HS6ST2: variants seen among roughly 807,000 people sequenced by gnomAD.
HS6ST2 encodes the protein heparan-sulfate 6-O-sulfotransferase 2.
In HS6ST2, 17 loss-of-function variants were observed where a neutral mutation model predicts 33.0. That is an observed-to-expected ratio of 0.52 (90% CI 0.35 to 0.77). The LOEUF is 0.77. Ranked by LOEUF, HS6ST2 falls within the 30% of genes least tolerant of loss-of-function variation. The pLI is 0.01. For missense variants in HS6ST2, 519 were observed against 551.7 expected (o/e 0.94, Z 0.59); for synonymous variants, 248 against 237.1 (o/e 1.05, Z -0.42).
chrX:132,655,221 G>C (rs2063722224), intron 4 of HS6ST2, among the ~76,000 whole-genome samples: 1 of 111,927 alleles, frequency 8.9e-6, no homozygotes, highest in Non-Finnish European at 1.9e-5. Context: ...ATAAACAAAT[G>C]AATGGCACAT....
chrX:132,932,740 T>C (rs1045864246), intron 2 of HS6ST2, among the ~76,000 whole-genome samples: 1 of 108,850 alleles, frequency 9.2e-6, no homozygotes, highest in Non-Finnish European at 1.9e-5. Flanking sequence ...AAAACCATAC[T>C]TAAAGAAGTA....
chrX:132,709,861 A>G, intron 2 of HS6ST2, among the ~76,000 whole-genome samples: 1 of 107,940 alleles, frequency 9.3e-6, no homozygotes, highest in Admixed American at 9.8e-5. Context: ...TTTTAGAAGG[A>G]AAACATAAAG....
rs2063487086 is a variant in HS6ST2, at chrX:132,627,450, C to G, written c.*773G>C. 1 of 112,224 alleles carries G rather than the reference C, an allele frequency of 8.9e-6. No homozygotes were observed. The highest frequency in any genetic ancestry group is 1.9e-5 in the Non-Finnish European group (1 of 53,154). 9.2% of individuals were successfully genotyped at this position (112,224 alleles called of 1,213,427 possible). On this transcript the variant is annotated 3_prime_UTR_variant, in exon 5 of 5. Coordinates refer to ENST00000370833, the MANE Select transcript of HS6ST2 (RefSeq NM_001394073.1). ...AATGATTCCAGTATTGTTGAAATTA[C>G]AGTGCCCTGAAAGCGCCTGGAAATT...
intron 4 of HS6ST2, among the ~76,000 whole-genome samples, chrX:132,668,107 A>G: frequency 8.9e-6 from 1 of 112,457 alleles, no homozygotes; most frequent in Admixed American, 9.4e-5. Context: ...GGAATTGAAT[A>G]TAAGATCATA....
At chrX:132,769,000 A>G (rs1004311171) in intron 2 of HS6ST2, among the ~76,000 whole-genome samples, 2 of 112,554 alleles carry the variant, frequency 1.8e-5, no homozygotes, top group Non-Finnish European at 3.7e-5. Context: ...CTTCTCTGTA[A>G]TAACATTTCC....
At chrX:132,635,101 T>C (rs2063543686) in intron 4 of HS6ST2, among the ~76,000 whole-genome samples, 1 of 112,066 alleles carries the variant, frequency 8.9e-6, no homozygotes, top group South Asian at 3.7e-4. Context: ...ACCTGCTTTG[T>C]GTCTACAAGT....
rs773528895 is a variant in HS6ST2, at chrX:132,909,601, G to A, written c.947+47207C>T. Among the ~76,000 whole-genome samples the A allele has an allele frequency of 4.5e-5, 5 of 111,663 alleles. No homozygotes were observed. The South Asian group carries it at 1.5e-3, about 34-fold the overall frequency. ...GCTTTCCTGAGGCTGAGGAAGGTAC[G>A]GAGGAAGGGGTACACACTGTGAAGT... On this transcript the variant is annotated intron_variant, in intron 2 of 4. Coordinates refer to ENST00000370833, the MANE Select transcript of HS6ST2 (RefSeq NM_001394073.1).
chrX:132,873,593 C>A (rs1371476877), intron 2 of HS6ST2, among the ~76,000 whole-genome samples: 3 of 111,919 alleles, frequency 2.7e-5, no homozygotes, highest in Non-Finnish European at 5.6e-5. Flanking sequence ...TATGCACTCC[C>A]TGCTCTTAGG....
intron 4 of HS6ST2, among the ~76,000 whole-genome samples, chrX:132,655,564 T>C (rs182630600): frequency 2.7e-5 from 3 of 111,035 alleles, no homozygotes; most frequent in Non-Finnish European, 5.7e-5. Context: ...AAGAATGAGC[T>C]CTTTTCAATG....
intron 4 of HS6ST2, among the ~76,000 whole-genome samples, chrX:132,653,389 C>G (rs1158961955): frequency 1.8e-5 from 2 of 111,887 alleles, no homozygotes; most frequent in African/African-American, 6.5e-5. Flanking sequence ...TTACTTTTTC[C>G]CTCCTTTTAA....
At chrX:132,651,644 C>T (rs923251282) in intron 4 of HS6ST2, among the ~76,000 whole-genome samples, 7 of 111,858 alleles carry the variant, frequency 6.3e-5, no homozygotes, top group Non-Finnish European at 1.3e-4. Context: ...GCCTTTATTA[C>T]TCTGTGAGTC....
rs932972092 is a variant in HS6ST2, at chrX:132,628,102, CT to C, written c.*120del. 1.1e-5 allele frequency: 6 copies of C among 545,302 alleles called. No homozygotes were observed. The highest frequency in any genetic ancestry group is 1.5e-5 in the Non-Finnish European group (5 of 343,054). The allele number at this position is 545,302 out of a possible 1,213,427, so 44.9% of individuals were successfully genotyped here. A position where few individuals can be genotyped will look rare whatever the true frequency, so the allele number is the denominator to read the frequency against. ...GGCAACTGTAAAGGCAACATCTAAACTTTTTTTTAAAACTTCCCCAATGAAG... is the reference window on the plus strand; with the variant it reads ...GGCAACTGTAAAGGCAACATCTAAACTTTTTTTAAAACTTCCCCAATGAAG... On this transcript the variant is annotated 3_prime_UTR_variant, in exon 5 of 5. Transcript: ENST00000370833.
intron 3 of HS6ST2, among the ~76,000 whole-genome samples, chrX:132,678,067 A>T (rs1457109309): frequency 8.9e-6 from 1 of 112,047 alleles, no homozygotes; most frequent in Non-Finnish European, 1.9e-5. Flanking sequence ...CTAAAAGTGC[A>T]TCTGGGCTAG....
chrX:132,769,889 G>A (rs773762697), intron 2 of HS6ST2, among the ~76,000 whole-genome samples: 2 of 112,092 alleles, frequency 1.8e-5, no homozygotes, highest in Non-Finnish European at 3.8e-5. Context: ...CACTTTCTCT[G>A]AGACAAGGGG....
At chrX:132,894,615 C>A (rs2066356177) in intron 2 of HS6ST2, among the ~76,000 whole-genome samples, 1 of 110,652 alleles carries the variant, frequency 9.0e-6, no homozygotes, top group African/African-American at 3.3e-5. Context: ...CAGCTCACTG[C>A]AACCTCTGCC....
intron 3 of HS6ST2, among the ~76,000 whole-genome samples, chrX:132,684,076 G>A (rs1013985313): frequency 1.2e-4 from 13 of 109,138 alleles, no homozygotes; most frequent in East Asian, 2.9e-4. Context: ...AAAGAAACAC[G>A]CTGGATAATA....
intron 2 of HS6ST2, among the ~76,000 whole-genome samples, chrX:132,943,409 T>G (rs1435442940): frequency 9.0e-6 from 1 of 111,461 alleles, no homozygotes; most frequent in Non-Finnish European, 1.9e-5. Flanking sequence ...AATGGGGTTT[T>G]AAAACATCTA....
At chrX:132,804,431 C>A (rs2065261519) in intron 2 of HS6ST2, among the ~76,000 whole-genome samples, 1 of 111,944 alleles carries the variant, frequency 8.9e-6, no homozygotes, top group Non-Finnish European at 1.9e-5. Flanking sequence ...AAGGCAGAAG[C>A]CCACAAGTTG....
chrX:132,696,974 T>A (rs1001309507), intron 3 of HS6ST2, among the ~76,000 whole-genome samples: 2 of 112,365 alleles, frequency 1.8e-5, no homozygotes, highest in African/African-American at 6.5e-5. Context: ...GATCCACACC[T>A]TCCAATGTAA....
Sources: gnomAD v4.1 joint callset for allele counts (sites outside exome capture counted in the v4.1 genomes callset) on GRCh38, gnomAD v4.1.1 for gene constraint, MANE v1.5 for transcripts, NCBI Gene and HGNC (gene_info 2026-07-23, HGNC 2026-07-21) for gene names.